MEP1A: variants seen among roughly 807,000 people sequenced by gnomAD.
MEP1A encodes N-benzoyl-L-tyrosyl-P-amino-benzoic acid hydrolase subunit alpha.
MEP1A carries 68 observed loss-of-function variants against 84.5 expected under a neutral mutation model. The observed-to-expected ratio is 0.80, with a 90% CI of 0.66 to 0.98. MEP1A has a LOEUF of 0.98. Among genes scored for constraint, MEP1A ranks in the 50% least tolerant of loss-of-function variants. The pLI is 0.00. For synonymous variants in MEP1A, 337 were observed against 336.8 expected (o/e 1.00, Z -0.01); for missense variants, 887 against 919.9 (o/e 0.96, Z 0.46).
chr6:46,844,004 G>A (rs1362419360), downstream of MEP1A, among the ~76,000 whole-genome samples: 7 of 152,162 alleles, frequency 4.6e-5, no homozygotes, highest in East Asian at 7.7e-4. Context: ...ACTATGTAAA[G>A]TTCTTTTTTA....
At chr6:46,793,851 T>C (rs1766989522) in intron 3 of MEP1A, 135 bp downstream of exon 3, 1 of 653,998 alleles carries the variant, frequency 1.5e-6, no homozygotes, top group Admixed American at 3.4e-5. Flanking sequence ...TTGTGAGAAA[T>C]TGCATTTTCT....
chr6:46,822,141 G>C lies in MEP1A; in HGVS notation c.556+2437G>C, dbSNP rs545161848. Among the ~76,000 whole-genome samples the C allele has an allele frequency of 6.6e-5, 10 of 152,244 alleles. No homozygotes were observed. The South Asian group carries it at 1.9e-3, about 28-fold the overall frequency. On this transcript the variant is annotated intron_variant, in intron 7 of 13. Coordinates refer to ENST00000230588, the MANE Select transcript of MEP1A (RefSeq NM_005588.3). ...CAGGGGTTGACAAACTATAGTCCAT[G>C]GGCCATATCTACTTGCTTTTGTAAA...
intron 7 of MEP1A, among the ~76,000 whole-genome samples, chr6:46,822,862 A>G (rs550587015): frequency 6.6e-6 from 1 of 152,264 alleles, no homozygotes; most frequent in African/African-American, 2.4e-5. Context: ...AGATGGTTTT[A>G]TGGAAAATTA....
In MEP1A at chr6:46,833,267, G is replaced by A; in HGVS notation, c.1338G>A (p.Glu446=). The change falls in exon 11 of 14, where the codon GAG becomes GAA. Residue 446 remains glutamate, a synonymous_variant. Transcript: ENST00000230588. ...TCCGGAATTTCTCCCAAGTCCTTGAGAACACCAGCAAAGGGGACAAGCTTC... is the reference window on the plus strand; with the variant it reads ...TCCGGAATTTCTCCCAAGTCCTTGAAAACACCAGCAAAGGGGACAAGCTTC... ...WTVRNFSQVL[E]NTSKGDKLQS... 6.2e-7 allele frequency: 1 copy of A among 1,614,216 alleles called. No individual in the cohort carries two copies. The highest frequency in any genetic ancestry group is 1.1e-5 in the South Asian group (1 of 91,082).
chr6:46,799,318 G>C, intron 5 of MEP1A, 137 bp downstream of exon 5: 1 of 637,108 alleles, frequency 1.6e-6, no homozygotes, highest in East Asian at 2.7e-5. Context: ...TTATCTAATG[G>C]GGAGAAAGAC....
At position 46,839,124 on chromosome 6, in the gene MEP1A, G is replaced by A. The variant is rs763063271; in HGVS notation, c.2229G>A (p.Arg743=). The A allele has an allele frequency of 5.6e-5, 91 of 1,612,228 alleles. No homozygotes were observed. Among genetic ancestry groups the A allele is most frequent in the Non-Finnish European group, 7.5e-5 (88 of 1,179,692 alleles). The change falls in exon 14 of 14, where the codon AGG becomes AGA. Residue 743 remains arginine (R), a synonymous_variant. Transcript: ENST00000230588. ...TFSIIAILSQ[R]PRK ...CCATCATCGCCATCCTTTCCCAAAG[G>A]CCAAGGAAGTGACCTGCCTGCTGGC...
chr6:46,798,055 C>T (rs1053531633), intron 3 of MEP1A, among the ~76,000 whole-genome samples: 27 of 151,828 alleles, frequency 1.8e-4, no homozygotes, highest in East Asian at 3.9e-4. Flanking sequence ...GTAACCTCTG[C>T]GTCCTGGGTT....
At chr6:46,828,631 G>A (rs147917019) in intron 9 of MEP1A, among the ~76,000 whole-genome samples, 1,842 of 152,300 alleles carry the variant, frequency 0.012, 43 homozygotes, top group African/African-American at 0.042. Flanking sequence ...TTTGACAAGT[G>A]TGTGGTTTAC....
chr6:46,838,814 A>G (rs1446540339), intron 13 of MEP1A, among the ~76,000 whole-genome samples, 166 bp from the exon 14 acceptor site: 1 of 152,216 alleles, frequency 6.6e-6, no homozygotes, highest in Non-Finnish European at 1.5e-5. Context: ...GGGTTGTTGC[A>G]GGGTTAAATT....
chr6:46,841,493 G>A (rs536737238), downstream of MEP1A, among the ~76,000 whole-genome samples: 1 of 152,148 alleles, frequency 6.6e-6, no homozygotes, highest in Admixed American at 6.6e-5. Context: ...TGTAGGGTGG[G>A]GAGTAGGTAG....
chr6:46,802,674 C>T (rs548948279), intron 5 of MEP1A, among the ~76,000 whole-genome samples: 2 of 151,660 alleles, frequency 1.3e-5, no homozygotes, highest in Non-Finnish European at 3.0e-5. Context: ...GTATTCAATA[C>T]TTCATTCATG....
intron 11 of MEP1A, 64 bp from the exon 12 acceptor site, chr6:46,834,514 A>G (rs1222692303): frequency 2.2e-6 from 2 of 912,566 alleles, no homozygotes; most frequent in Non-Finnish European, 3.2e-6. Flanking sequence ...ATCCTCATTA[A>G]AGACAAACTG....
Position 46,814,274 on chromosome 6 carries a change from G to C in MEP1A, c.380+4737G>C, listed in dbSNP as rs184862475. Among the ~76,000 whole-genome samples the C allele has an allele frequency of 9.2e-4, 140 of 152,078 alleles. 1 individual carries two copies. The highest frequency in any genetic ancestry group is 3.2e-3 in the African/African-American group (132 of 41,480). On this transcript the variant is annotated intron_variant, in intron 6 of 13. Coordinates refer to ENST00000230588, the MANE Select transcript of MEP1A (RefSeq NM_005588.3). ...TTTTTTTGTTTGTTTTTGATGGATGGGGTTAATTCAAAAGCCTTGCCTTTG... is the reference window on the plus strand; with the variant it reads ...TTTTTTTGTTTGTTTTTGATGGATGCGGTTAATTCAAAAGCCTTGCCTTTG...
intron 4 of MEP1A, among the ~76,000 whole-genome samples, 172 bp from the exon 5 acceptor site, chr6:46,798,934 T>C (rs940879885): frequency 6.6e-6 from 1 of 152,238 alleles, no homozygotes; most frequent in African/African-American, 2.4e-5. Context: ...CTCTGATTTT[T>C]CCAAATTATC....
In MEP1A at chr6:46,801,365, T is replaced by C. The variant is rs567463706; in HGVS notation, c.262+2184T>C. On this transcript the variant is annotated intron_variant, in intron 5 of 13. Coordinates refer to ENST00000230588, the MANE Select transcript of MEP1A (RefSeq NM_005588.3). ...ACGATTTTAATTTGCATTTCCCTAA[T>C]GATTAGTGATATTTAGCACATTTTA... 3.9e-5 allele frequency among the ~76,000 whole-genome samples: 6 copies of C among 152,274 alleles called. No individual in the cohort carries two copies. The East Asian group carries it at 1.2e-3, about 29-fold the overall frequency.
Position 46,826,457 on chromosome 6 carries a change from T to G in MEP1A, c.882T>G (p.Ser294Arg). ...RDDTDWAHQD[S>R]AQAGEVDHTL... ...ACACTGACTGGGCCCATCAGGACAG[T>G]GCTCAGGCTGGAGAAGTGGATCACA... The change falls in exon 9 of 14, where the codon AGT (serine) becomes AGG (arginine). Residue 294 changes from serine to arginine, a missense_variant. Ser to Arg is a moderately radical substitution (Grantham distance 110). Coordinates refer to ENST00000230588, the MANE Select transcript of MEP1A (RefSeq NM_005588.3). 1 of 1,603,536 alleles carries G rather than the reference T, an allele frequency of 6.2e-7. No homozygotes were observed. The highest frequency in any genetic ancestry group is 8.5e-7 in the Non-Finnish European group (1 of 1,174,904).
chr6:46,828,585 C>A (rs1480698251), intron 9 of MEP1A, among the ~76,000 whole-genome samples: 1 of 152,116 alleles, frequency 6.6e-6, no homozygotes, highest in East Asian at 1.9e-4. Flanking sequence ...GTATAAAGAA[C>A]CTCTTCATAT....
chr6:46,844,468 G>A (rs220690), downstream of MEP1A, among the ~76,000 whole-genome samples: 55,959 of 151,920 alleles, frequency 0.37, 10,605 homozygotes, highest in East Asian at 0.43. Context: ...ATTGAGACAT[G>A]GGCCTCATCT....
At chr6:46,844,188 A>G (rs1034654239), downstream of MEP1A, among the ~76,000 whole-genome samples, 1 of 152,224 alleles carries the variant, frequency 6.6e-6, no homozygotes, top group African/African-American at 2.4e-5. Context: ...GTTATCCTGT[A>G]GCTGTGAGTG....
Sources: allele counts gnomAD v4.1 joint callset (sites outside exome capture counted in the v4.1 genomes callset), GRCh38; gene constraint gnomAD v4.1.1; transcripts MANE v1.5; gene names NCBI Gene and HGNC (gene_info 2026-07-23, HGNC 2026-07-21).